SYT11: variants seen among roughly 807,000 people sequenced by gnomAD.
SYT11 encodes the protein synaptotagmin-11.
In SYT11, 12 loss-of-function variants were observed where a neutral mutation model predicts 30.4. The ratio of observed to expected loss-of-function variants is 0.39; its 90% CI spans 0.25 to 0.64. SYT11 has a LOEUF of 0.64. Ranked by LOEUF, SYT11 falls within the 30% of genes least tolerant of loss-of-function variation. SYT11 has a pLI of 0.45. For synonymous variants in SYT11, 204 were observed against 216.0 expected, an observed-to-expected ratio of 0.94 and a Z score of 0.49; for missense variants, 412 against 552.0, an observed-to-expected ratio of 0.75 and a Z score of 2.54.
At chr1:155,876,448 G>A (rs188751298) in intron 2 of SYT11, among the ~76,000 whole-genome samples, 1 of 151,328 alleles carries the variant, frequency 6.6e-6, no homozygotes, top group Non-Finnish European at 1.5e-5. Context: ...GGGTTTCACC[G>A]TGTTAGCCAG....
intron 2 of SYT11, among the ~76,000 whole-genome samples, chr1:155,874,038 C>T (rs1255650342): frequency 2.6e-5 from 4 of 152,232 alleles, no homozygotes; most frequent in African/African-American, 4.8e-5. Context: ...TGGTGGCTCA[C>T]GCCTATAATT....
chr1:155,873,543 GC>G (rs1672811841), intron 2 of SYT11, among the ~76,000 whole-genome samples: 1 of 152,172 alleles, frequency 6.6e-6, no homozygotes, highest in Non-Finnish European at 1.5e-5. Context: ...TTGAAGGATG[GC>G]CCCAGAAATG....
At chr1:155,871,028 C>T (rs994524798) in intron 2 of SYT11, among the ~76,000 whole-genome samples, 3 of 152,172 alleles carry the variant, frequency 2.0e-5, no homozygotes, top group Admixed American at 2.0e-4. Context: ...AATACAAGGG[C>T]TCCTTGGCTA....
chr1:155,880,406 T>C (rs1672941180), intron 2 of SYT11, 94 bp from the exon 3 acceptor site: 8 of 1,495,678 alleles, frequency 5.3e-6, no homozygotes, highest in Non-Finnish European at 7.2e-6. Flanking sequence ...CCTGCACTTG[T>C]CCTCCCCCAG....
chr1:155,881,101 C>A (rs1672952539), intron 3 of SYT11, 97 bp from the exon 4 acceptor site: 2 of 1,321,414 alleles, frequency 1.5e-6, no homozygotes, highest in Non-Finnish European at 2.1e-6. Context: ...ATACGAACAA[C>A]AGAGCCCCCC....
chr1:155,883,050 G>A lies in SYT11; in HGVS notation c.*1542G>A, dbSNP rs1432684189. On this transcript the variant is annotated 3_prime_UTR_variant, in exon 4 of 4. Coordinates refer to ENST00000368324, the MANE Select transcript of SYT11 (RefSeq NM_152280.5). ...CTCAAAACGAGCTGCATAATTCTTG[G>A]AATTTATGTCTTACCACATGGTGGA... 6.6e-6 allele frequency: 1 copy of A among 152,318 alleles called. No homozygotes were observed. Among genetic ancestry groups the A allele is most frequent in the African/African-American group, 2.4e-5 (1 of 41,448 alleles). 9.4% of individuals were successfully genotyped at this position (152,318 alleles called of 1,614,324 possible).
chr1:155,867,860 C>A, intron 1 of SYT11, 105 bp from the exon 2 acceptor site: 2 of 887,092 alleles, frequency 2.3e-6, no homozygotes, highest in Non-Finnish European at 3.4e-6. Flanking sequence ...GCTTTAGAGG[C>A]TAGATTGAAG....
Position 155,868,209 on chromosome 1 carries a change from C to T in SYT11, c.279C>T (p.Asn93=). Residue 93 remains asparagine, a synonymous_variant, in exon 2 of 4, where the codon AAC becomes AAT. Coordinates refer to ENST00000368324, the MANE Select transcript of SYT11 (RefSeq NM_152280.5). The surrounding 1 kb of genome is among the most constrained non-coding windows in gnomAD (Gnocchi z 4.7). ...CTGGGAGGGAAGGTGGACGTAGGAA[C>T]CTGTTGGTGGACGCAGCAGAGGCTG... ...DGPGREGGRR[N]LLVDAAEAGL... is the part of the protein sequence containing the mutation. 1 of 1,614,098 alleles carries T rather than the reference C, an allele frequency of 6.2e-7. No individual in the cohort carries two copies. Among genetic ancestry groups the T allele is most frequent in the Non-Finnish European group, 8.5e-7 (1 of 1,180,024 alleles).
rs1672945467 is a variant in SYT11 at position 155,880,665 on chromosome 1, C to T, written c.985+42C>T. ...ACCTATTTCTTACTGTCTGAACCAT[C>T]CCCGACTCCTTGCCTGTGGCCCAGA... On this transcript the variant is annotated intron_variant, in intron 3 of 3. Coordinates refer to ENST00000368324, the MANE Select transcript of SYT11 (RefSeq NM_152280.5). 7 of 1,609,694 alleles carry T rather than the reference C, an allele frequency of 4.3e-6. No individual in the cohort carries two copies. The East Asian group carries it at 8.9e-5, about 21-fold the overall frequency.
Position 155,859,774 on chromosome 1 carries a change from A to G in SYT11, c.13A>G (p.Thr5Ala). ...CTCTGATTACGACATGGCTGAGATCACCAATATCCGACCTAGCTTTGGTAA... is the reference window on the plus strand; with the variant it reads ...CTCTGATTACGACATGGCTGAGATCGCCAATATCCGACCTAGCTTTGGTAA... MAEI[T>A]NIRPSFDVSP... Residue 5 changes from threonine to alanine, a missense_variant, in exon 1 of 4, where the codon ACC becomes GCC. By Grantham distance (58) the Thr-to-Ala change is moderately conservative. Transcript: ENST00000368324. The G allele has an allele frequency of 3.7e-6, 6 of 1,614,174 alleles. No individual in the cohort carries two copies. The highest frequency in any genetic ancestry group is 5.1e-6 in the Non-Finnish European group (6 of 1,179,986).
chr1:155,885,120 A>C lies in SYT11; in HGVS notation c.*3612A>C, dbSNP rs902193785. On this transcript the variant is annotated 3_prime_UTR_variant, in exon 4 of 4. Coordinates refer to ENST00000368324, the MANE Select transcript of SYT11 (RefSeq NM_152280.5). ...TAATGCTGTAATGCTAATCTACAAT[A>C]TGTAATGCTATCTTGTATGTTGAAT... 6.6e-6 allele frequency: 1 copy of C among 152,640 alleles called. No individual in the cohort carries two copies. Among genetic ancestry groups the C allele is most frequent in the African/African-American group, 2.4e-5 (1 of 41,466 alleles). 9.5% of individuals were successfully genotyped at this position (152,640 alleles called of 1,614,324 possible).
At chr1:155,866,313 C>T (rs767846543) in intron 1 of SYT11, among the ~76,000 whole-genome samples, 3 of 152,064 alleles carry the variant, frequency 2.0e-5, no homozygotes, top group Non-Finnish European at 4.4e-5. Flanking sequence ...GACAGGGTTT[C>T]GCCATGTTGG....
intron 2 of SYT11, among the ~76,000 whole-genome samples, chr1:155,870,132 T>C (rs1227595683): frequency 6.6e-6 from 1 of 152,240 alleles, no homozygotes; most frequent in Non-Finnish European, 1.5e-5. Flanking sequence ...GTAGGTGCTA[T>C]GAAAGAAGTT....
chr1:155,881,106 C>T (rs1672952587), intron 3 of SYT11, 92 bp from the exon 4 acceptor site: 4 of 1,333,438 alleles, frequency 3.0e-6, no homozygotes, highest in Non-Finnish European at 4.2e-6. Context: ...AACAACAGAG[C>T]CCCCCCTTTC....
rs1672728994 is a variant in SYT11, at chr1:155,868,634, G to A, written c.704G>A (p.Ser235Asn). ...TTCACCTTCTATGGCATCCCCTACA[G>A]CCAGCTGCAGGACCTGGTGCTGCAC... ...ETFTFYGIPYSQLQDLVLHFL... is the reference protein window; with the variant it reads ...ETFTFYGIPYNQLQDLVLHFL... The change falls in exon 2 of 4, where the codon AGC becomes AAC. Residue 235 changes from serine to asparagine, a missense_variant. Transcript: ENST00000368324. This position sits in a 1 kb window ranked among gnomAD's most constrained non-coding sequence, Gnocchi z 4.7. 2 of 1,614,072 alleles carry A rather than the reference G, an allele frequency of 1.2e-6. No individual in the cohort carries two copies. Among genetic ancestry groups the A allele is most frequent in the African/African-American group, 1.3e-5 (1 of 74,934 alleles).
chr1:155,871,484 C>A (rs1672780336), intron 2 of SYT11, among the ~76,000 whole-genome samples: 1 of 152,232 alleles, frequency 6.6e-6, no homozygotes. Context: ...GGGAGTAGAA[C>A]ATGGCTCTGT....
chr1:155,866,442 C>G (rs779586271), intron 1 of SYT11, among the ~76,000 whole-genome samples: 1 of 152,164 alleles, frequency 6.6e-6, no homozygotes, highest in Non-Finnish European at 1.5e-5. Flanking sequence ...ATTTGTTCAT[C>G]CAACACATAG....
At position 155,860,483 on chromosome 1, in the gene SYT11, A is replaced by G. The variant is rs1672543584; in HGVS notation, c.34+688A>G. Among the ~76,000 whole-genome samples, 1 of 151,780 alleles carries G rather than the reference A, an allele frequency of 6.6e-6. No individual in the cohort carries two copies. Among genetic ancestry groups the G allele is most frequent in the African/African-American group, 2.4e-5 (1 of 41,310 alleles). On this transcript the variant is annotated intron_variant, in intron 1 of 3. Transcript: ENST00000368324. The surrounding 1 kb of genome is among the most constrained non-coding windows in gnomAD (Gnocchi z 4.1). ...TGGGCTGGGGGATGACGTGATGTCT[A>G]TTTCTGGGCCTCCTGGCAGCGCCGA...
At chr1:155,873,863 T>C (rs1042942605) in intron 2 of SYT11, among the ~76,000 whole-genome samples, 3 of 152,204 alleles carry the variant, frequency 2.0e-5, no homozygotes, top group African/African-American at 7.2e-5. Context: ...TCCATTCAAT[T>C]TTCTTTTCCA....
Sources: gnomAD v4.1 joint callset for allele counts (sites outside exome capture counted in the v4.1 genomes callset) on GRCh38, gnomAD v4.1.1 for gene constraint, Gnocchi (gnomAD v3.1) non-coding constraint, MANE v1.5 for transcripts, NCBI Gene and HGNC (gene_info 2026-07-23, HGNC 2026-07-21) for gene names.